The following LGALS16 variants were observed in gnomAD, a reference collection of about 807,000 sequenced individuals.
The protein encoded by LGALS16 is galectin 16.
In LGALS16, 15 loss-of-function variants were observed where a neutral mutation model predicts 13.2. The observed-to-expected ratio is 1.13, with a 90% CI of 0.76 to 1.75. The LOEUF is 1.75. Among genes scored for constraint, LGALS16 ranks in the 40% most tolerant of loss-of-function variants. The pLI is 0.00. For synonymous variants in LGALS16, 66 were observed against 65.4 expected (o/e 1.01, Z -0.05); for missense variants, 198 against 178.4 (o/e 1.11, Z -0.63).
chr19:39,660,546 C>A lies in LGALS16; in HGVS notation c.*26C>A. The A allele has an allele frequency of 1.3e-6, 2 of 1,543,082 alleles. No individual in the cohort carries two copies. The highest frequency in any genetic ancestry group is 1.7e-6 in the Non-Finnish European group (2 of 1,146,908). On this transcript the variant is annotated 3_prime_UTR_variant, in exon 4 of 4. Transcript: ENST00000392051. ...TCACACTCCTCATTGTTGAGGAAAC[C>A]CTCTTTCTACCTGACCATGGGATTC... is the stretch of plus-strand genomic sequence containing the variant.
At chr19:39,660,278 G>C in intron 3 of LGALS16, 117 bp from the exon 4 acceptor site, 1 of 960,480 alleles carries the variant, frequency 1.0e-6, no homozygotes, top group Non-Finnish European at 1.5e-6. Context: ...TACAACATTC[G>C]CTTGTATAAC....
At chr19:39,657,835 G>A (rs761929262) in intron 1 of LGALS16, 48 bp from the exon 2 acceptor site, 1 of 1,599,654 alleles carries the variant, frequency 6.3e-7, no homozygotes. Context: ...CAGGAAGGGA[G>A]ACTGCACCTG....
chr19:39,657,018 T>C (rs529015277), intron 1 of LGALS16, among the ~76,000 whole-genome samples: 1 of 151,992 alleles, frequency 6.6e-6, no homozygotes, highest in Non-Finnish European at 1.5e-5. Flanking sequence ...ATCCCACCAA[T>C]CTGAGAGACA....
chr19:39,656,162 C>G (rs886214348), intron 1 of LGALS16, among the ~76,000 whole-genome samples, 186 bp downstream of exon 1: 1 of 151,982 alleles, frequency 6.6e-6, no homozygotes, highest in Admixed American at 6.6e-5. Context: ...GGTTGTGGAT[C>G]CTGGACAAAT....
chr19:39,657,506 C>T (rs1464408722), intron 1 of LGALS16, among the ~76,000 whole-genome samples: 2 of 152,132 alleles, frequency 1.3e-5, no homozygotes, highest in African/African-American at 4.8e-5. Context: ...AGGCCCTACA[C>T]ATGCCAGGGA....
chr19:39,659,939 C>T (rs1017435162), intron 3 of LGALS16, among the ~76,000 whole-genome samples: 3 of 152,192 alleles, frequency 2.0e-5, no homozygotes, highest in Non-Finnish European at 2.9e-5. Context: ...CATTCTTTGC[C>T]ATTAACACCT....
rs189366844 is a variant in LGALS16 at position 39,659,623 on chromosome 19, T to A, written c.304-772T>A. 5.0e-3 allele frequency among the ~76,000 whole-genome samples: 759 copies of A among 152,318 alleles called. 3 individuals carry two copies. Among genetic ancestry groups the A allele is most frequent in the Non-Finnish European group, 6.0e-3 (406 of 68,024 alleles). ...ATGCTGTATTAAGCTTTCAAATAAA[T>A]CCTTTTGTCATTACCAACCTCCCAA... On this transcript the variant is annotated intron_variant, in intron 3 of 3. Transcript: ENST00000392051.
At position 39,660,633 on chromosome 19, in the gene LGALS16, C is replaced by G; in HGVS notation, c.*113C>G. 1 of 877,394 alleles carries G rather than the reference C, an allele frequency of 1.1e-6. No homozygotes were observed. Among genetic ancestry groups the G allele is most frequent in the Non-Finnish European group, 1.7e-6 (1 of 577,582 alleles). 54.4% of individuals were successfully genotyped at this position (877,394 alleles called of 1,614,324 possible). The stretch of plus-strand genomic sequence containing the variant: ...CTTCCCCTACACTTGGTCATTAAAA[C>G]AGCACCAAACCGTACATGATTTGGT... On this transcript the variant is annotated 3_prime_UTR_variant, in exon 4 of 4. Transcript: ENST00000392051.
At chr19:39,658,753 G>A (rs1973227073) in intron 3 of LGALS16, 83 bp downstream of exon 3, 2 of 859,460 alleles carry the variant, frequency 2.3e-6, no homozygotes, top group East Asian at 5.3e-5. Flanking sequence ...GGCCTCACCA[G>A]TCCCTCAGGG....
intron 1 of LGALS16, among the ~76,000 whole-genome samples, chr19:39,656,844 G>C (rs945750203): frequency 6.6e-6 from 1 of 151,930 alleles, no homozygotes; most frequent in Non-Finnish European, 1.5e-5. Context: ...AGAGGCCATG[G>C]TTTCAGAGAC....
At chr19:39,656,489 A>C (rs1010067455) in intron 1 of LGALS16, among the ~76,000 whole-genome samples, 1 of 152,158 alleles carries the variant, frequency 6.6e-6, no homozygotes, top group Non-Finnish European at 1.5e-5. Flanking sequence ...CCTTCTGTGC[A>C]TGTGAAGGTT....
At position 39,660,477 on chromosome 19, in the gene LGALS16, A is replaced by T. The variant is rs1973248353; in HGVS notation, c.386A>T (p.Asp129Val). 1 of 1,542,952 alleles carries T rather than the reference A, an allele frequency of 6.5e-7. No individual in the cohort carries two copies. The highest frequency in any genetic ancestry group is 2.4e-5 in the East Asian group (1 of 41,448). ...SYVKMIQVWR[D>V]VSLDSVLVNN... ...GTGAAGATGATTCAAGTGTGGAGAG[A>T]TGTCTCCCTGGACTCAGTGCTTGTC... The change falls in exon 4 of 4, where the codon GAT (aspartate) becomes GTT (valine). Residue 129 changes from aspartate (D) to valine (V), a missense_variant. Asp to Val is a radical substitution (Grantham distance 152). Transcript: ENST00000392051.
At chr19:39,656,573 G>C (rs1973197080) in intron 1 of LGALS16, among the ~76,000 whole-genome samples, 1 of 152,164 alleles carries the variant, frequency 6.6e-6, no homozygotes, top group Admixed American at 6.5e-5. Context: ...ATCCCAGGTG[G>C]CTTAACTGGT....
intron 1 of LGALS16, among the ~76,000 whole-genome samples, chr19:39,656,245 A>T (rs1973193202): frequency 6.6e-6 from 1 of 152,060 alleles, no homozygotes; most frequent in South Asian, 2.1e-4. Flanking sequence ...TTTAGGTGGG[A>T]GGTGGATGGC....
intron 1 of LGALS16, among the ~76,000 whole-genome samples, chr19:39,657,088 C>T (rs1973202873): frequency 1.3e-5 from 2 of 152,026 alleles, no homozygotes; most frequent in East Asian, 1.9e-4. Context: ...CATAGTGAGA[C>T]CCTTTCTTTA....
rs1441376566 is a variant in LGALS16, at chr19:39,660,595, C to CA, written c.*75_*76insA. Reference sequence around the variant, plus strand: ...TCCTAGAGCCTGCTAACAGAATAATCCCTCCTCAACCCCTTCCCCTACACT... The same window carrying CA: ...TCCTAGAGCCTGCTAACAGAATAATCACCTCCTCAACCCCTTCCCCTACACT... On this transcript the variant is annotated 3_prime_UTR_variant, in exon 4 of 4. Coordinates refer to ENST00000392051, the MANE Select transcript of LGALS16 (RefSeq NM_001190441.3). 8.2e-7 allele frequency: 1 copy of CA among 1,224,974 alleles called. No individual in the cohort carries two copies. The highest frequency in any genetic ancestry group is 1.5e-5 in the African/African-American group (1 of 66,762). 75.9% of individuals were successfully genotyped at this position (1,224,974 alleles called of 1,614,324 possible).
intron 3 of LGALS16, among the ~76,000 whole-genome samples, chr19:39,659,241 A>T (rs1973233439): frequency 6.6e-6 from 1 of 151,942 alleles, no homozygotes; most frequent in Admixed American, 6.6e-5. Context: ...ATGGGATTAC[A>T]GGCTGATTTT....
At chr19:39,658,812 C>G in intron 3 of LGALS16, 142 bp downstream of exon 3, 2 of 630,926 alleles carry the variant, frequency 3.2e-6, no homozygotes, top group Non-Finnish European at 5.7e-6. Flanking sequence ...ACAGAGCACC[C>G]TCTGCTTGCA....
chr19:39,656,756 C>T (rs759668645), intron 1 of LGALS16, among the ~76,000 whole-genome samples: 1 of 152,008 alleles, frequency 6.6e-6, no homozygotes, highest in Non-Finnish European at 1.5e-5. Flanking sequence ...TCTCTTGCCT[C>T]CCAGGCTCAG....
Sources: allele counts gnomAD v4.1 joint callset (sites outside exome capture counted in the v4.1 genomes callset), GRCh38; gene constraint gnomAD v4.1.1; transcripts MANE v1.5; gene names NCBI Gene and HGNC (gene_info 2026-07-23, HGNC 2026-07-21).